The following FCHO2 variants were observed in gnomAD, a reference collection of about 807,000 sequenced individuals.
FCHO2 encodes F-BAR domain only protein 2.
FCHO2 carries 43 observed loss-of-function variants against 114.1 expected under a neutral mutation model. The observed-to-expected ratio is 0.38, with a 90% confidence interval of 0.30 to 0.49. The LOEUF (loss-of-function observed/expected upper bound fraction) is 0.49, where lower values mean the gene tolerates loss of function less well. Ranked by LOEUF, FCHO2 falls within the 20% of genes least tolerant of loss-of-function variation. FCHO2 has a pLI of 0.97. For missense variants in FCHO2, 807 were observed against 950.4 expected, an observed-to-expected ratio of 0.85 and a Z score of 1.98; for synonymous variants, 293 against 315.2, an observed-to-expected ratio of 0.93 and a Z score of 0.75.
Position 73,020,848 on chromosome 5 carries a change from T to C in FCHO2, c.796+3540T>C, listed in dbSNP as rs952236380. The C allele has an allele frequency of 1.2e-5, 11 of 952,912 alleles. No homozygotes were observed. The African/African-American group carries it at 1.6e-4, about 14-fold the overall frequency. The allele number at this position is 952,912 out of a possible 1,614,324, so 59.0% of individuals were successfully genotyped here. ...GCTGCCGAGCTGCTCATCTGAGATA[T>C]TTACTCTGACCATTAAGTGTAGCAC... is the stretch of plus-strand genomic sequence containing the variant. On this transcript the variant is annotated intron_variant, in intron 8 of 25. Transcript: ENST00000430046.
Position 72,990,954 on chromosome 5 carries a change from C to A in FCHO2, c.495+90C>A, listed in dbSNP as rs367738336. The A allele has an allele frequency of 6.5e-6, 9 of 1,391,274 alleles. No individual in the cohort carries two copies. In the South Asian group the frequency reaches 1.2e-4, roughly 19 times the overall value. The allele number at this position is 1,391,274 out of a possible 1,614,324, so 86.2% of individuals were successfully genotyped here. The stretch of plus-strand genomic sequence containing the variant: ...ACATTTAGATCAAACTGAAAATTAT[C>A]TCATTTTAAAGATGAAGACACTGTG... On this transcript the variant is annotated intron_variant, in intron 5 of 25. Transcript: ENST00000430046.
At chr5:72,976,900 G>A (rs1752921479) in intron 2 of FCHO2, among the ~76,000 whole-genome samples, 2 of 151,826 alleles carry the variant, frequency 1.3e-5, no homozygotes, top group African/African-American at 4.8e-5. Context: ...CTGTTCTTGT[G>A]TTTGCTGAGA....
chr5:72,999,446 G>A (rs1379119747), intron 5 of FCHO2, among the ~76,000 whole-genome samples: 6 of 137,848 alleles, frequency 4.4e-5, no homozygotes, highest in Admixed American at 1.5e-4. Flanking sequence ...GCAGTGGCAC[G>A]ATCTTGGCTC....
At chr5:72,959,933 C>T (rs1313345000) in intron 1 of FCHO2, among the ~76,000 whole-genome samples, 2 of 152,174 alleles carry the variant, frequency 1.3e-5, no homozygotes, top group Non-Finnish European at 2.9e-5. Context: ...GTACAGGCCA[C>T]CATGACCAGC....
At position 73,089,669 on chromosome 5, in the gene FCHO2, T is replaced by C. The variant is rs1444899805; in HGVS notation, c.*1579T>C. 1 of 152,542 alleles carries C rather than the reference T, an allele frequency of 6.6e-6. No homozygotes were observed. Among genetic ancestry groups the C allele is most frequent in the Non-Finnish European group, 1.5e-5 (1 of 67,942 alleles). The allele number at this position is 152,542 out of a possible 1,614,324, so 9.4% of individuals were successfully genotyped here. A position where few individuals can be genotyped will look rare whatever the true frequency, so the allele number is the denominator to read the frequency against. ...TTTGCCTAGTAGAAGTGATAAATTG[T>C]GTTATATATGATAATTTATATAAAA... On this transcript the variant is annotated 3_prime_UTR_variant, in exon 26 of 26. Transcript: ENST00000430046.
At chr5:73,055,109 T>C (rs1389064970) in intron 15 of FCHO2, 1 of 375,160 alleles carries the variant, frequency 2.7e-6, no homozygotes, top group East Asian at 7.3e-5. Flanking sequence ...TATTAAAAAT[T>C]CTAACAGAGT....
intron 8 of FCHO2, among the ~76,000 whole-genome samples, chr5:73,022,028 G>A (rs1252727446): frequency 6.6e-6 from 1 of 152,162 alleles, no homozygotes; most frequent in Non-Finnish European, 1.5e-5. Context: ...GTCTAAGCTA[G>A]TACATGGCAG....
At chr5:72,997,484 T>A (rs945338965) in intron 5 of FCHO2, 1 of 1,530,456 alleles carries the variant, frequency 6.5e-7, no homozygotes, top group Non-Finnish European at 9.0e-7. Flanking sequence ...TCCAGGGGTT[T>A]ACAGGAGCCA....
At chr5:73,032,370 T>G (rs1053550957) in intron 8 of FCHO2, among the ~76,000 whole-genome samples, 8 of 152,336 alleles carry the variant, frequency 5.3e-5, no homozygotes, top group African/African-American at 1.9e-4. Context: ...TTTGGCATCT[T>G]TCAAAATGTG....
At chr5:73,004,435 C>T (rs1024330449) in intron 5 of FCHO2, among the ~76,000 whole-genome samples, 11 of 152,096 alleles carry the variant, frequency 7.2e-5, no homozygotes, top group African/African-American at 2.2e-4. Context: ...TAGTCACTTT[C>T]GCTAGGGATA....
chr5:73,090,040 A>AT lies in FCHO2; in HGVS notation c.*1952dup, dbSNP rs1743436405. ...CTGCTTTTAGGGCAGCCAATATTTT[A>AT]TTATTGGAATTCAGACACTGTTCTT... On this transcript the variant is annotated 3_prime_UTR_variant, in exon 26 of 26. Transcript: ENST00000430046. 1 of 152,564 alleles carries AT rather than the reference A, an allele frequency of 6.6e-6. No homozygotes were observed. The highest frequency in any genetic ancestry group is 2.4e-5 in the African/African-American group (1 of 41,456). The allele number at this position is 152,564 out of a possible 1,614,324, so 9.5% of individuals were successfully genotyped here.
chr5:73,078,154 A>G, intron 21 of FCHO2, 26 bp from the exon 22 acceptor site: 1 of 1,443,872 alleles, frequency 6.9e-7, no homozygotes, highest in Middle Eastern at 2.5e-4. Context: ...TCAATAAAAT[A>G]ACAAATATAT....
At chr5:73,084,958 G>A (rs1411585481) in intron 24 of FCHO2, among the ~76,000 whole-genome samples, 1 of 152,148 alleles carries the variant, frequency 6.6e-6, no homozygotes, top group East Asian at 1.9e-4. Flanking sequence ...TGCATTAAGG[G>A]CTTATAACCA....
At chr5:73,015,358 G>A (rs933239710) in intron 6 of FCHO2, among the ~76,000 whole-genome samples, 4 of 151,712 alleles carry the variant, frequency 2.6e-5, no homozygotes, top group African/African-American at 4.8e-5. Context: ...TGCCTCCCAG[G>A]TTCAAATGAT....
intron 19 of FCHO2, among the ~76,000 whole-genome samples, chr5:73,069,791 CAA>C (rs1338214423): frequency 1.3e-5 from 2 of 152,068 alleles, no homozygotes; most frequent in African/African-American, 4.8e-5. Flanking sequence ...AGACTTTGCT[CAA>C]GAGTTTTTTT....
intron 5 of FCHO2, 61 bp from the exon 6 acceptor site, chr5:73,006,384 A>T: frequency 2.0e-6 from 2 of 990,776 alleles, no homozygotes; most frequent in Non-Finnish European, 2.8e-6. Context: ...ATATTAACTT[A>T]CATTAGGAAA....
chr5:72,995,863 A>C (rs187450774), intron 5 of FCHO2, among the ~76,000 whole-genome samples: 16 of 152,296 alleles, frequency 1.1e-4, no homozygotes, highest in African/African-American at 3.9e-4. Context: ...CCCACCTCTC[A>C]ATACCGTCAC....
chr5:72,960,494 T>A (rs1229823862), intron 1 of FCHO2, among the ~76,000 whole-genome samples: 1 of 152,128 alleles, frequency 6.6e-6, no homozygotes, highest in African/African-American at 2.4e-5. Flanking sequence ...AACAATTGTT[T>A]TTTATCTTTA....
chr5:73,057,103 T>A lies in FCHO2; in HGVS notation c.1253+996T>A, dbSNP rs528244491. Among the ~76,000 whole-genome samples the A allele has an allele frequency of 1.0e-2, 351 of 35,264 alleles. 1 individual carries two copies. The highest frequency in any genetic ancestry group is 0.069 in the African/African-American group (256 of 3,726). 23.1% of individuals were successfully genotyped at this position (35,264 alleles called of 152,430 possible). A position where few individuals can be genotyped will look rare whatever the true frequency, so the allele number is the denominator to read the frequency against. ...GTCTCCCAGCTAATTTTTTTCAAAA[T>A]TTTTTTTTTTTGGTAGATACTGGGT... On this transcript the variant is annotated intron_variant, in intron 16 of 25. Coordinates refer to ENST00000430046, the MANE Select transcript of FCHO2 (RefSeq NM_138782.3).
Sources: allele counts gnomAD v4.1 joint callset (sites outside exome capture counted in the v4.1 genomes callset), GRCh38; gene constraint gnomAD v4.1.1; transcripts MANE v1.5; gene names NCBI Gene and HGNC (gene_info 2026-07-23, HGNC 2026-07-21).